The following DCLK1 variants were observed in gnomAD, a reference collection of about 807,000 sequenced individuals.
DCLK1 encodes doublecortin like kinase 1, also known as serine/threonine-protein kinase DCLK1.
In DCLK1, 16 loss-of-function variants were observed where a neutral mutation model predicts 86.2. The observed-to-expected ratio is 0.19, with a 90% confidence interval of 0.13 to 0.28. DCLK1 has a LOEUF of 0.28. DCLK1 is among the 10% of genes least tolerant of loss of function. The pLI is 1.00. For missense variants in DCLK1, 590 were observed against 940.2 expected, an observed-to-expected ratio of 0.63 and a Z score of 4.87; for synonymous variants, 369 against 370.5, an observed-to-expected ratio of 1.00 and a Z score of 0.05.
rs144608637 is a variant in DCLK1 at position 36,126,102 on chromosome 13, G to A, written c.36C>T (p.Phe12=). The A allele has an allele frequency of 2.3e-4, 366 of 1,606,134 alleles. 1 individual carries two copies. In the African/African-American group the frequency reaches 4.1e-3, roughly 18 times the overall value. The change falls in exon 2 of 17, where the codon TTC becomes TTT. Residue 12 remains phenylalanine (F), a synonymous_variant. Transcript: ENST00000360631. ...ATCTCTGCGCCTTATCCCGCTCGTC[G>A]AAGTGCTCCAGCTCCATGTCTCTGC... ...SFGRDMELEH[F]DERDKAQRYS... is the part of the protein sequence containing the mutation.
intron 3 of DCLK1, among the ~76,000 whole-genome samples, chr13:35,994,413 G>T (rs2153144504): frequency 6.6e-6 from 1 of 152,274 alleles, no homozygotes; most frequent in Admixed American, 6.5e-5. Flanking sequence ...AGAAAAACCT[G>T]AAAGAATCAT....
chr13:35,937,370 T>TCATCATCCTGCCCCACCCACCTCATCCCC, intron 4 of DCLK1, among the ~76,000 whole-genome samples: 1 of 152,228 alleles, frequency 6.6e-6, no homozygotes. Context: ...CTCTCCTTTC[T>TCATCATCCTGCCCCACCCACCTCATCCCC]CATCATCCTG....
chr13:35,839,325 T>A (rs1388514607), intron 6 of DCLK1, 149 bp from the exon 7 acceptor site: 5 of 617,022 alleles, frequency 8.1e-6, no homozygotes, highest in Non-Finnish European at 1.1e-5. Flanking sequence ...GCCTTCAGCA[T>A]ATTCAACTGG....
At chr13:35,784,662 C>T (rs1479187396) in intron 16 of DCLK1, among the ~76,000 whole-genome samples, 1 of 152,124 alleles carries the variant, frequency 6.6e-6, no homozygotes, top group Non-Finnish European at 1.5e-5. Context: ...TAAACTGAAT[C>T]CCCCAAATTC....
At chr13:36,076,282 A>C (rs1398010435) in intron 3 of DCLK1, among the ~76,000 whole-genome samples, 1 of 152,184 alleles carries the variant, frequency 6.6e-6, no homozygotes, top group Non-Finnish European at 1.5e-5. Context: ...TGTCTCCTTG[A>C]CTAGGTGGTC....
chr13:36,014,137 C>A (rs1446070791), intron 3 of DCLK1, among the ~76,000 whole-genome samples: 1 of 152,168 alleles, frequency 6.6e-6, no homozygotes, highest in Non-Finnish European at 1.5e-5. Context: ...GAACCCGGTA[C>A]CTCAGATGGA....
chr13:36,118,301 A>C (rs1885862426), intron 2 of DCLK1, among the ~76,000 whole-genome samples: 1 of 152,090 alleles, frequency 6.6e-6, no homozygotes, highest in Non-Finnish European at 1.5e-5. Context: ...AGGTGAACTG[A>C]ATGTTACGTA....
At chr13:35,944,636 T>C (rs1877265731) in intron 4 of DCLK1, among the ~76,000 whole-genome samples, 1 of 152,174 alleles carries the variant, frequency 6.6e-6, no homozygotes, top group African/African-American at 2.4e-5. Context: ...TTTGAGCCCC[T>C]TTCCTTCCAT....
chr13:35,904,811 C>A (rs919987509), intron 4 of DCLK1, among the ~76,000 whole-genome samples: 11 of 152,246 alleles, frequency 7.2e-5, no homozygotes, highest in Admixed American at 7.2e-4. Context: ...AGGCAGCAAT[C>A]TGCAAAATTG....
At chr13:36,126,495 C>T (rs1342048509) in intron 1 of DCLK1, among the ~76,000 whole-genome samples, 1 of 152,126 alleles carries the variant, frequency 6.6e-6, no homozygotes, top group Admixed American at 6.5e-5. Context: ...AATCCCTGGC[C>T]TCAAGTGATC....
intron 4 of DCLK1, among the ~76,000 whole-genome samples, chr13:35,906,676 T>G (rs1874706951): frequency 6.6e-6 from 1 of 152,166 alleles, no homozygotes; most frequent in Non-Finnish European, 1.5e-5. Flanking sequence ...GAGAGCAGAC[T>G]TGGAGAACTC....
intron 5 of DCLK1, among the ~76,000 whole-genome samples, chr13:35,862,206 CCTGACTTAGAACAGTTATTTATTT>C (rs143674540): frequency 0.035 from 5,259 of 152,240 alleles, 140 homozygotes; most frequent in Middle Eastern, 0.072. Flanking sequence ...GCGCAGATCT[CCTGACTTAGAACAGTTATTTATTT>C]CCAATTGCTT....
At chr13:35,948,436 ATTGT>A (rs1229250292) in intron 3 of DCLK1, among the ~76,000 whole-genome samples, 2 of 152,056 alleles carry the variant, frequency 1.3e-5, no homozygotes, top group Non-Finnish European at 2.9e-5. Context: ...GGAGTGCTCG[ATTGT>A]TTGGCCCTGT....
At chr13:35,915,352 C>T (rs1359237795) in intron 4 of DCLK1, among the ~76,000 whole-genome samples, 1 of 152,174 alleles carries the variant, frequency 6.6e-6, no homozygotes, top group Non-Finnish European at 1.5e-5. Context: ...GCCGCAAAGG[C>T]TGTGTATCCC....
chr13:35,906,881 A>G (rs1211024991), intron 4 of DCLK1, among the ~76,000 whole-genome samples: 1 of 152,126 alleles, frequency 6.6e-6, no homozygotes, highest in Non-Finnish European at 1.5e-5. Context: ...TATCATACCC[A>G]ACTAAGCCAG....
At chr13:36,095,006 A>G (rs989498565) in intron 3 of DCLK1, among the ~76,000 whole-genome samples, 3 of 152,128 alleles carry the variant, frequency 2.0e-5, no homozygotes, top group African/African-American at 4.8e-5. Flanking sequence ...CCAGTAAAGA[A>G]TTTCCAGCAA....
intron 4 of DCLK1, among the ~76,000 whole-genome samples, chr13:35,940,990 A>C (rs1228838648): frequency 6.6e-6 from 1 of 152,096 alleles, no homozygotes; most frequent in Non-Finnish European, 1.5e-5. Context: ...ATGTGCTTTG[A>C]CATTTATTGT....
chr13:35,775,995 A>G (rs1193973125), intron 16 of DCLK1, among the ~76,000 whole-genome samples: 2 of 152,232 alleles, frequency 1.3e-5, no homozygotes, highest in Non-Finnish European at 2.9e-5. Context: ...TACTTCAGAA[A>G]CTATCCACAC....
chr13:36,104,378 C>T (rs957447300), intron 3 of DCLK1, among the ~76,000 whole-genome samples: 3 of 152,220 alleles, frequency 2.0e-5, no homozygotes, highest in South Asian at 4.2e-4. Flanking sequence ...CCTATAAAAT[C>T]GAAAGGAGGA....
Sources: gnomAD v4.1 joint callset for allele counts (sites outside exome capture counted in the v4.1 genomes callset) on GRCh38, gnomAD v4.1.1 for gene constraint, MANE v1.5 for transcripts, NCBI Gene and HGNC (gene_info 2026-07-23, HGNC 2026-07-21) for gene names.